Variants in SV2C observed in about 807,000 individuals in gnomAD.
The protein encoded by SV2C is solute carrier family 22 member B3.
Under a neutral mutation model 79.7 loss-of-function variants are expected in SV2C, and 49 were observed. The observed-to-expected ratio is 0.61, with a 90% CI of 0.49 to 0.78. The LOEUF is 0.78. SV2C is among the 30% of genes least tolerant of loss of function. The pLI is 0.00. For missense variants in SV2C, 833 were observed against 912.9 expected (o/e 0.91, Z 1.13); for synonymous variants, 334 against 333.2 (o/e 1.00, Z -0.03).
intron 4 of SV2C, among the ~76,000 whole-genome samples, chr5:76,249,776 G>T (rs963681669): frequency 6.6e-6 from 1 of 152,100 alleles, no homozygotes; most frequent in African/African-American, 2.4e-5. Context: ...TTGCTGATGC[G>T]CATGGCTGTG....
At chr5:76,021,853 T>A in the SV2C span, among the ~76,000 whole-genome samples, 420 of 152,304 alleles carry the variant, frequency 2.8e-3, 2 homozygotes, top group Non-Finnish European at 4.9e-3. Flanking sequence ...CTATGGAAGC[T>A]TTTAACTGGC....
At chr5:76,044,201 G>T in the SV2C span, among the ~76,000 whole-genome samples, 1 of 152,082 alleles carries the variant, frequency 6.6e-6, no homozygotes, top group African/African-American at 2.4e-5. Flanking sequence ...GAGGATAATG[G>T]CTTCCAGCTC....
At chr5:75,989,042 A>G in the SV2C span, among the ~76,000 whole-genome samples, 2 of 152,006 alleles carry the variant, frequency 1.3e-5, no homozygotes, top group African/African-American at 2.4e-5. Context: ...TCTTAAATAT[A>G]CTACATAAGT....
intron 4 of SV2C, among the ~76,000 whole-genome samples, chr5:76,233,552 T>C (rs1433946862): frequency 1.4e-5 from 2 of 147,122 alleles, no homozygotes; most frequent in Non-Finnish European, 2.9e-5. Context: ...TTTTTGCCCA[T>C]TCAGTATGAT....
chr5:76,294,119 C>T (rs1450412318), intron 8 of SV2C, among the ~76,000 whole-genome samples: 1 of 152,198 alleles, frequency 6.6e-6, no homozygotes, highest in Non-Finnish European at 1.5e-5. Flanking sequence ...GATGATCCTG[C>T]TGGTCCGGGG....
At chr5:76,259,791 T>C (rs1021317414) in intron 4 of SV2C, among the ~76,000 whole-genome samples, 3 of 152,372 alleles carry the variant, frequency 2.0e-5, no homozygotes, top group African/African-American at 7.2e-5. Flanking sequence ...TTCTGTTTTA[T>C]GGCTGCATAG....
At chr5:76,199,890 A>C (rs1435236819) in intron 3 of SV2C, among the ~76,000 whole-genome samples, 1 of 152,226 alleles carries the variant, frequency 6.6e-6, no homozygotes, top group Non-Finnish European at 1.5e-5. Flanking sequence ...AATGAAGGGG[A>C]GGCTGGGCCT....
At chr5:76,223,943 C>T (rs1745167048) in intron 4 of SV2C, among the ~76,000 whole-genome samples, 1 of 151,474 alleles carries the variant, frequency 6.6e-6, no homozygotes, top group South Asian at 2.1e-4. Context: ...GGATGGGCAT[C>T]TCTCTCTTCT....
Position 76,301,392 on chromosome 5 carries a change from C to G in SV2C, c.1847C>G (p.Ser616Cys), listed in dbSNP as rs760646227. Residue 616 changes from serine (S) to cysteine (C), a missense_variant, in exon 12 of 13, where the codon TCT becomes TGT. By Grantham distance (112) the Ser-to-Cys change is moderately radical. Transcript: ENST00000502798. Reference sequence around the variant, plus strand: ...TTGTCTGCATTGTTGGCAGGTGGCTCTATGGTGCTTTCGGGGATCAGCTGT... The same window carrying G: ...TTGTCTGCATTGTTGGCAGGTGGCTGTATGGTGCTTTCGGGGATCAGCTGT... ...RIGRLTMLGG[S>C]MVLSGISCFF... 7.4e-6 allele frequency: 12 copies of G among 1,613,790 alleles called. No homozygotes were observed. Among genetic ancestry groups the G allele is most frequent in the Non-Finnish European group, 1.0e-5 (12 of 1,179,950 alleles).
chr5:76,250,693 A>G (rs1746086023), intron 4 of SV2C, among the ~76,000 whole-genome samples: 1 of 152,210 alleles, frequency 6.6e-6, no homozygotes. Flanking sequence ...TCAGCATTAG[A>G]AGCCTGGAGT....
chr5:76,276,007 G>A (rs1429484909), intron 4 of SV2C, among the ~76,000 whole-genome samples: 2 of 152,194 alleles, frequency 1.3e-5, no homozygotes, highest in African/African-American at 2.4e-5. Flanking sequence ...CTAACTGCAG[G>A]TAAGTATCCA....
intron 2 of SV2C, among the ~76,000 whole-genome samples, chr5:76,136,529 G>GTT (rs10550410): frequency 1.4e-5 from 2 of 147,786 alleles, no homozygotes; most frequent in African/African-American, 5.0e-5. Context: ...AGTGCTTTAT[G>GTT]TTTTTTTTTT....
chr5:76,314,937 G>T (rs752903657), intron 12 of SV2C, among the ~76,000 whole-genome samples: 3 of 152,136 alleles, frequency 2.0e-5, no homozygotes, highest in African/African-American at 2.4e-5. Flanking sequence ...CCCTAGCTAG[G>T]TTAATCAGAT....
the SV2C span, among the ~76,000 whole-genome samples, chr5:75,887,710 G>T: frequency 6.6e-6 from 1 of 152,002 alleles, no homozygotes; most frequent in African/African-American, 2.4e-5. Context: ...GGGACTTAGA[G>T]CATTCCTACA....
the SV2C span, among the ~76,000 whole-genome samples, chr5:75,916,569 G>A: frequency 6.6e-6 from 1 of 152,032 alleles, no homozygotes; most frequent in African/African-American, 2.4e-5. Context: ...CCGTCTCCCA[G>A]GTTCAAGTGA....
At chr5:76,023,485 C>T in the SV2C span, among the ~76,000 whole-genome samples, 6 of 151,942 alleles carry the variant, frequency 3.9e-5, no homozygotes, top group Non-Finnish European at 8.8e-5. Context: ...TTTTATGTAG[C>T]CATCCCAGAA....
the SV2C span, among the ~76,000 whole-genome samples, chr5:76,073,503 G>GTATATATA: frequency 0.017 from 1,122 of 67,274 alleles, 45 homozygotes; most frequent in Non-Finnish European, 0.024. Flanking sequence ...GTATGTGTGT[G>GTATATATA]TATATATATA....
intron 4 of SV2C, among the ~76,000 whole-genome samples, chr5:76,278,433 C>G (rs770725893): frequency 2.6e-5 from 4 of 152,120 alleles, no homozygotes; most frequent in Non-Finnish European, 5.9e-5. Flanking sequence ...CTGGAAGGTA[C>G]GAAGCCTGCA....
chr5:76,258,003 GGTGTGTGTGTA>G (rs1247351120), intron 4 of SV2C, among the ~76,000 whole-genome samples: 1 of 148,328 alleles, frequency 6.7e-6, no homozygotes, highest in East Asian at 2.0e-4. Context: ...TGTAGTATGG[GGTGTGTGTGTA>G]GTGTGTGGGG....
Sources: gnomAD v4.1 joint callset for allele counts (sites outside exome capture counted in the v4.1 genomes callset) on GRCh38, gnomAD v4.1.1 for gene constraint, MANE v1.5 for transcripts, NCBI Gene and HGNC (gene_info 2026-07-23, HGNC 2026-07-21) for gene names.